Variants in CDIN1 observed in about 807,000 individuals in gnomAD.
CDIN1 encodes CDAN1 interacting nuclease 1, also known as CDAN1-interacting nuclease 1.
In CDIN1, 33 loss-of-function variants were observed where a neutral mutation model predicts 45.3. The observed-to-expected ratio is 0.73, with a 90% confidence interval of 0.55 to 0.97. CDIN1 has a LOEUF of 0.97. Among genes scored for constraint, CDIN1 ranks in the 50% least tolerant of loss-of-function variants. The pLI, the probability that CDIN1 is intolerant of heterozygous loss-of-function variation, is 0.00. For missense variants in CDIN1, 303 were observed against 339.4 expected (o/e 0.89, Z 0.84); for synonymous variants, 118 against 124.4 (o/e 0.95, Z 0.34).
At chr15:36,782,390 T>C (rs1366106210) in intron 10 of CDIN1, among the ~76,000 whole-genome samples, 1 of 152,204 alleles carries the variant, frequency 6.6e-6, no homozygotes, top group Non-Finnish European at 1.5e-5. Context: ...ATTTTAATAC[T>C]GCCAGTTTAC....
In CDIN1 at chr15:36,787,956, T is replaced by C. The variant is rs1308951286; in HGVS notation, c.717-20368T>C. On this transcript the variant is annotated intron_variant, in intron 10 of 10. Transcript: ENST00000566621. The stretch of plus-strand genomic sequence containing the variant: ...CTTTAAATGATGTTATTCATACTTT[T>C]TAATAGAAATTGTACAACTCACAAT... 2.7e-5 allele frequency among the ~76,000 whole-genome samples: 4 copies of C among 150,338 alleles called. No homozygotes were observed. In the East Asian group the frequency reaches 7.8e-4, roughly 29 times the overall value.
intron 10 of CDIN1, among the ~76,000 whole-genome samples, chr15:36,730,161 T>G (rs1370080978): frequency 6.6e-6 from 1 of 152,154 alleles, no homozygotes; most frequent in African/African-American, 2.4e-5. Context: ...CCAATTTAAC[T>G]GTTGTATTTG....
At chr15:36,596,757 T>G (rs1484576982) in intron 1 of CDIN1, among the ~76,000 whole-genome samples, 1 of 151,984 alleles carries the variant, frequency 6.6e-6, no homozygotes, top group Non-Finnish European at 1.5e-5. Context: ...GTTGCAAACA[T>G]GCACTATAAA....
chr15:36,654,646 C>T (rs577712956), intron 4 of CDIN1, among the ~76,000 whole-genome samples: 1 of 152,060 alleles, frequency 6.6e-6, no homozygotes, highest in African/African-American at 2.4e-5. Flanking sequence ...GAAAAGTCTC[C>T]TTCTTTATAT....
chr15:36,588,460 T>C (rs8026972), intron 1 of CDIN1, among the ~76,000 whole-genome samples: 121,037 of 152,056 alleles, frequency 0.8, 48,702 homozygotes, highest in East Asian at 0.95. Context: ...GAGAATAGCT[T>C]AGAAAGAGAG....
chr15:36,744,498 C>T (rs1368169518), intron 10 of CDIN1, among the ~76,000 whole-genome samples: 1 of 152,126 alleles, frequency 6.6e-6, no homozygotes, highest in Non-Finnish European at 1.5e-5. Flanking sequence ...ACTATGTTCA[C>T]CATTCTGGGA....
At chr15:36,647,834 A>G (rs2040399285) in intron 3 of CDIN1, among the ~76,000 whole-genome samples, 1 of 137,540 alleles carries the variant, frequency 7.3e-6, no homozygotes, top group Admixed American at 8.4e-5. Context: ...CATATTTGTG[A>G]TAGTATTTTT....
intron 1 of CDIN1, among the ~76,000 whole-genome samples, chr15:36,594,582 C>T (rs918446214): frequency 6.6e-6 from 1 of 152,132 alleles, no homozygotes; most frequent in Non-Finnish European, 1.5e-5. Context: ...CTGAATATGA[C>T]TTTACCATGA....
In CDIN1 at chr15:36,804,926, C is replaced by T. The variant is rs530473295; in HGVS notation, c.717-3398C>T. Among the ~76,000 whole-genome samples the T allele has an allele frequency of 3.8e-4, 57 of 151,856 alleles. 1 individual carries two copies. Among genetic ancestry groups the T allele is most frequent in the Non-Finnish European group, 1.3e-4 (9 of 67,966 alleles). ...CTGACCTCAAGTGATTGGCCTGCCT[C>T]AGCCTCCCAAAGTGCTGGGATTACA... is the stretch of plus-strand genomic sequence containing the variant. On this transcript the variant is annotated intron_variant, in intron 10 of 10. Transcript: ENST00000566621.
intron 3 of CDIN1, among the ~76,000 whole-genome samples, chr15:36,647,210 G>T (rs946990221): frequency 6.6e-6 from 1 of 151,652 alleles, no homozygotes; most frequent in Non-Finnish European, 1.5e-5. Context: ...AAAGTTTATA[G>T]AGACAGGGTC....
chr15:36,642,203 A>G (rs2040137460), intron 1 of CDIN1, among the ~76,000 whole-genome samples: 1 of 152,178 alleles, frequency 6.6e-6, no homozygotes, highest in South Asian at 2.1e-4. Flanking sequence ...TCTTGGTTGT[A>G]CTAAAACTAC....
At chr15:36,735,335 A>G (rs1160183492) in intron 10 of CDIN1, among the ~76,000 whole-genome samples, 1 of 152,190 alleles carries the variant, frequency 6.6e-6, no homozygotes, top group Non-Finnish European at 1.5e-5. Context: ...GTTTTAGTGT[A>G]AAATTTAATG....
In CDIN1 at chr15:36,636,613, T is replaced by G. The variant is rs115191100; in HGVS notation, c.102-7665T>G. On this transcript the variant is annotated intron_variant, in intron 1 of 10. Coordinates refer to ENST00000566621, the MANE Select transcript of CDIN1 (RefSeq NM_001321759.2). Reference sequence around the variant, plus strand: ...AGATGAAAGAGTGGAAAGGAAGGAATGAAGAACAATGAGATGGCACATCTG... The same window carrying G: ...AGATGAAAGAGTGGAAAGGAAGGAAGGAAGAACAATGAGATGGCACATCTG... Among the ~76,000 whole-genome samples the G allele has an allele frequency of 2.0e-3, 299 of 151,894 alleles. 3 individuals are homozygous for G. Among genetic ancestry groups the G allele is most frequent in the African/African-American group, 6.9e-3 (287 of 41,448 alleles).
chr15:36,742,459 T>G (rs1469585919), intron 10 of CDIN1, among the ~76,000 whole-genome samples: 1 of 152,172 alleles, frequency 6.6e-6, no homozygotes, highest in Non-Finnish European at 1.5e-5. Flanking sequence ...GTACATTGAG[T>G]TTTGATGGCC....
At position 36,607,659 on chromosome 15, in the gene CDIN1, T is replaced by C. The variant is rs186903453; in HGVS notation, c.101+27698T>C. ...CTTCATTCCAGTTTAAAATTAAGTGTATTGTACGTTATATAAGTATTCTTT... is the reference window on the plus strand; with the variant it reads ...CTTCATTCCAGTTTAAAATTAAGTGCATTGTACGTTATATAAGTATTCTTT... On this transcript the variant is annotated intron_variant, in intron 1 of 10. Coordinates refer to ENST00000566621, the MANE Select transcript of CDIN1 (RefSeq NM_001321759.2). Among the ~76,000 whole-genome samples, 59 of 152,282 alleles carry C rather than the reference T, an allele frequency of 3.9e-4. 1 individual carries two copies. The highest frequency in any genetic ancestry group is 7.6e-4 in the Non-Finnish European group (52 of 67,996).
intron 5 of CDIN1, among the ~76,000 whole-genome samples, chr15:36,686,582 AAG>A (rs1267684173): frequency 6.6e-6 from 1 of 151,290 alleles, no homozygotes; most frequent in African/African-American, 2.4e-5. Context: ...AAAAAAGAAA[AAG>A]AAATCATCAT....
intron 3 of CDIN1, among the ~76,000 whole-genome samples, chr15:36,649,953 T>C (rs950791105): frequency 6.6e-6 from 1 of 152,238 alleles, no homozygotes; most frequent in African/African-American, 2.4e-5. Context: ...GTAAAGCAGA[T>C]GGTGCTAATT....
chr15:36,685,814 C>T (rs2042021264), intron 5 of CDIN1, among the ~76,000 whole-genome samples: 1 of 152,184 alleles, frequency 6.6e-6, no homozygotes, highest in East Asian at 1.9e-4. Context: ...AAAAAATGCT[C>T]ATCATCACTG....
At position 36,774,783 on chromosome 15, in the gene CDIN1, G is replaced by C. The variant is rs929689793; in HGVS notation, c.717-33541G>C. Among the ~76,000 whole-genome samples, 10 of 152,206 alleles carry C rather than the reference G, an allele frequency of 6.6e-5. No homozygotes were observed. The South Asian group carries it at 1.5e-3, about 22-fold the overall frequency. On this transcript the variant is annotated intron_variant, in intron 10 of 10. Transcript: ENST00000566621. ...CTGGTCTCCAGGAGAAACAAAGTGA[G>C]ATACAAAAAGAAAATAAATCTGTCG...
Sources: gnomAD v4.1 joint callset for allele counts (sites outside exome capture counted in the v4.1 genomes callset) on GRCh38, gnomAD v4.1.1 for gene constraint, MANE v1.5 for transcripts, NCBI Gene and HGNC (gene_info 2026-07-23, HGNC 2026-07-21) for gene names.